CSMD1: variants seen among roughly 807,000 people sequenced by gnomAD.
CSMD1 encodes CUB and Sushi multiple domains 1.
In CSMD1, 213 loss-of-function variants were observed where a neutral mutation model predicts 417.5. That is an observed-to-expected ratio of 0.51 (90% CI 0.46 to 0.57). The LOEUF (loss-of-function observed/expected upper bound fraction) is 0.57. Among genes scored for constraint, CSMD1 ranks in the 20% least tolerant of loss-of-function variants. The probability of loss-of-function intolerance (pLI) is 0.00; values close to 1 mark genes in which losing one functional copy is unlikely to be tolerated. For synonymous variants in CSMD1, 2,862 were observed against 1,736.8 expected (o/e 1.65, Z -16.11); for missense variants, 6,923 against 4,529.7 (o/e 1.53, Z -15.17).
intron 1 of CSMD1, among the ~76,000 whole-genome samples, chr8:4,867,538 A>T (rs1404857537): frequency 6.6e-6 from 1 of 152,078 alleles, no homozygotes; most frequent in East Asian, 1.9e-4. Context: ...CCTTTGAGTA[A>T]GCAAATTGCA....
intron 1 of CSMD1, among the ~76,000 whole-genome samples, chr8:4,941,016 G>C (rs370197254): frequency 1.3e-5 from 2 of 152,032 alleles, no homozygotes; most frequent in Non-Finnish European, 2.9e-5. Flanking sequence ...AATTTTGAGA[G>C]AGGAACAATC....
intron 3 of CSMD1, among the ~76,000 whole-genome samples, chr8:4,045,448 G>A (rs139218420): frequency 2.6e-5 from 4 of 152,202 alleles, no homozygotes; most frequent in Admixed American, 6.5e-5. Flanking sequence ...TGCTGAGAAC[G>A]TCGGAAGGGC....
At chr8:3,789,824 G>A (rs2720819) in intron 5 of CSMD1, among the ~76,000 whole-genome samples, 147,466 of 150,810 alleles carry the variant, frequency 0.98, 72,177 homozygotes, top group East Asian at 1. Context: ...TCCGCCTCCC[G>A]GGGGTTGCAC....
Position 3,114,633 on chromosome 8 carries a change from C to T in CSMD1, c.6430+3766G>A, listed in dbSNP as rs1035470180. Reference sequence around the variant, plus strand: ...GAGCGCACTCTGTCTTGGAAATTGCCGGTTGGTAATGGAGATTTTAAAGAC... The same window carrying T: ...GAGCGCACTCTGTCTTGGAAATTGCTGGTTGGTAATGGAGATTTTAAAGAC... On this transcript the variant is annotated intron_variant, in intron 42 of 69. Transcript: ENST00000635120. Among the ~76,000 whole-genome samples the T allele has an allele frequency of 7.3e-5, 11 of 151,694 alleles. No individual in the cohort carries two copies. In the East Asian group the frequency reaches 1.5e-3, roughly 21 times the overall value.
rs114133423 is a variant in CSMD1, at chr8:4,871,152, G to A, written c.85+123180C>T. ...GCAGCCGTGATGAGAATCTAGGGAAGGCAAATAAGTAGCATGGGATTCATC... is the reference window on the plus strand; with the variant it reads ...GCAGCCGTGATGAGAATCTAGGGAAAGCAAATAAGTAGCATGGGATTCATC... On this transcript the variant is annotated intron_variant, in intron 1 of 69. Transcript: ENST00000635120. Among the ~76,000 whole-genome samples the A allele has an allele frequency of 4.5e-3, 692 of 152,216 alleles. 9 individuals carry two copies. Among genetic ancestry groups the A allele is most frequent in the African/African-American group, 0.014 (585 of 41,480 alleles).
At chr8:3,426,925 C>G (rs1359695792) in intron 12 of CSMD1, among the ~76,000 whole-genome samples, 1 of 152,072 alleles carries the variant, frequency 6.6e-6, no homozygotes, top group Non-Finnish European at 1.5e-5. Context: ...GGGGAGGCCT[C>G]AGGAAACTTA....
intron 5 of CSMD1, among the ~76,000 whole-genome samples, chr8:3,920,721 T>C (rs1459739128): frequency 7.4e-6 from 1 of 135,628 alleles, no homozygotes; most frequent in African/African-American, 2.8e-5. Context: ...TTTTTGTGCA[T>C]CTATTGAGAT....
intron 12 of CSMD1, among the ~76,000 whole-genome samples, chr8:3,429,671 A>G (rs1390941431): frequency 6.6e-6 from 1 of 152,234 alleles, no homozygotes; most frequent in Non-Finnish European, 1.5e-5. Context: ...ACTTTTGAAT[A>G]TCTGCATTTC....
intron 5 of CSMD1, among the ~76,000 whole-genome samples, chr8:3,797,186 T>G (rs1429383083): frequency 6.6e-6 from 1 of 151,946 alleles, no homozygotes; most frequent in South Asian, 2.1e-4. Flanking sequence ...CAACTTGAAA[T>G]GTCAAAGAAC....
chr8:3,231,982 A>G (rs895636351), intron 26 of CSMD1, among the ~76,000 whole-genome samples: 1 of 152,206 alleles, frequency 6.6e-6, no homozygotes, highest in Non-Finnish European at 1.5e-5. Context: ...CTTTCTCTCA[A>G]ATTGATTGTT....
At chr8:4,646,426 T>C (rs1222594074) in intron 1 of CSMD1, among the ~76,000 whole-genome samples, 3 of 152,166 alleles carry the variant, frequency 2.0e-5, no homozygotes, top group Admixed American at 6.5e-5. Flanking sequence ...GTTGTGGCAG[T>C]GAATGAATGT....
At chr8:4,285,641 T>C (rs1269290983) in intron 3 of CSMD1, among the ~76,000 whole-genome samples, 5 of 152,172 alleles carry the variant, frequency 3.3e-5, no homozygotes, top group Non-Finnish European at 5.9e-5. Flanking sequence ...ATAGCACAGA[T>C]GGTTGGTCTT....
chr8:4,182,055 T>G (rs1275537718), intron 3 of CSMD1, among the ~76,000 whole-genome samples: 1 of 151,936 alleles, frequency 6.6e-6, no homozygotes, highest in Non-Finnish European at 1.5e-5. Flanking sequence ...GGTGTGTGTG[T>G]GTGTGTATAC....
intron 1 of CSMD1, among the ~76,000 whole-genome samples, chr8:4,993,280 G>A (rs35789176): frequency 0.2 from 30,739 of 151,880 alleles, 3,900 homozygotes; most frequent in Non-Finnish European, 0.29. Flanking sequence ...AGATACTCCC[G>A]GGAACATCTA....
intron 1 of CSMD1, among the ~76,000 whole-genome samples, chr8:4,812,537 C>T (rs1009536290): frequency 2.0e-5 from 3 of 152,038 alleles, no homozygotes; most frequent in Non-Finnish European, 4.4e-5. Context: ...ATGTTTGCAA[C>T]AAAATATCAC....
At chr8:4,115,943 A>T (rs1032713327) in intron 3 of CSMD1, among the ~76,000 whole-genome samples, 1 of 151,844 alleles carries the variant, frequency 6.6e-6, no homozygotes, top group African/African-American at 2.4e-5. Flanking sequence ...AGTAAACACC[A>T]AGAAAACAGG....
At chr8:3,535,025 G>C (rs190440539) in intron 10 of CSMD1, among the ~76,000 whole-genome samples, 2 of 152,270 alleles carry the variant, frequency 1.3e-5, no homozygotes, top group East Asian at 1.9e-4. Flanking sequence ...AGAACTCACC[G>C]TAGCATTCAA....
chr8:3,083,610 TTATATATATA>T lies in CSMD1; in HGVS notation c.7474+3477_7474+3486del, dbSNP rs1554507974. On this transcript the variant is annotated intron_variant, in intron 49 of 69. Coordinates refer to ENST00000635120, the MANE Select transcript of CSMD1 (RefSeq NM_033225.6). ...TCCACGGTGACAGTTACCATAATTTTTATATATATATATATATATATATATATATATATAT... is the reference window on the plus strand; with the variant it reads ...TCCACGGTGACAGTTACCATAATTTTTATATATATATATATATATATATAT... Among the ~76,000 whole-genome samples the T allele has an allele frequency of 2.2e-3, 68 of 30,926 alleles. 1 individual carries two copies. The highest frequency in any genetic ancestry group is 8.3e-3 in the African/African-American group (60 of 7,222). 20.3% of individuals were successfully genotyped at this position (30,926 alleles called of 152,430 possible).
At chr8:3,420,059 G>C (rs1033988845) in intron 12 of CSMD1, among the ~76,000 whole-genome samples, 1 of 152,118 alleles carries the variant, frequency 6.6e-6, no homozygotes, top group East Asian at 1.9e-4. Flanking sequence ...GGTATATTAA[G>C]TTCTATCTCT....
Sources: allele counts gnomAD v4.1 joint callset (sites outside exome capture counted in the v4.1 genomes callset), GRCh38; gene constraint gnomAD v4.1.1; transcripts MANE v1.5; gene names NCBI Gene and HGNC (gene_info 2026-07-23, HGNC 2026-07-21).